CARF: variants seen among roughly 807,000 people sequenced by gnomAD.
CARF encodes the protein calcium-responsive transcription factor.
CARF carries 57 observed loss-of-function variants against 82.0 expected under a neutral mutation model. The ratio of observed to expected loss-of-function variants is 0.70; its 90% CI spans 0.56 to 0.87. CARF has a LOEUF of 0.87. Among genes scored for constraint, CARF ranks in the 40% least tolerant of loss-of-function variants. The pLI is 0.00. For synonymous variants in CARF, 268 were observed against 290.1 expected (o/e 0.92, Z 0.77); for missense variants, 771 against 855.8 (o/e 0.90, Z 1.24).
At chr2:202,936,004 TG>T (rs1433064571) in intron 3 of CARF, among the ~76,000 whole-genome samples, 1 of 151,994 alleles carries the variant, frequency 6.6e-6, no homozygotes, top group East Asian at 1.9e-4. Flanking sequence ...TTAAGTTTCT[TG>T]TAGAAATGGG....
At chr2:202,956,635 T>C (rs1202362583) in intron 8 of CARF, among the ~76,000 whole-genome samples, 6 of 152,168 alleles carry the variant, frequency 3.9e-5, no homozygotes, top group African/African-American at 1.4e-4. Context: ...AAATTCACCA[T>C]ATCCCATACT....
chr2:202,954,098 A>T lies in CARF; in HGVS notation c.521A>T (p.Gln174Leu). ...DNTSNYILHP[Q>L]TSFPLPKKSV... ...ACCAGCAATTACATTCTTCATCCTC[A>T]AACATCCTTCCCATTGCCCAAAAAG... Residue 174 changes from glutamine to leucine, a missense_variant, in exon 7 of 17, where the codon CAA becomes CTA. Transcript: ENST00000438828. 6.2e-7 allele frequency: 1 copy of T among 1,613,396 alleles called. No homozygotes were observed. The highest frequency in any genetic ancestry group is 8.5e-7 in the Non-Finnish European group (1 of 1,179,700).
At chr2:202,964,103 C>T (rs1034452202) in intron 9 of CARF, among the ~76,000 whole-genome samples, 6 of 152,096 alleles carry the variant, frequency 3.9e-5, no homozygotes, top group African/African-American at 1.4e-4. Context: ...GGCCTGGTTT[C>T]GCAGCCAAGT....
At chr2:202,942,633 C>CA in intron 4 of CARF, 107 bp from the exon 5 acceptor site, 1 of 1,080,754 alleles carries the variant, frequency 9.3e-7, no homozygotes, top group Non-Finnish European at 1.3e-6. Flanking sequence ...ACAACTCTTA[C>CA]AAAAAAGTAA....
chr2:202,980,890 C>T (rs932508742), intron 14 of CARF, among the ~76,000 whole-genome samples: 12 of 151,614 alleles, frequency 7.9e-5, no homozygotes, highest in Non-Finnish European at 1.0e-4. Flanking sequence ...TATGCAAATA[C>T]GATGCCATTT....
At chr2:202,938,278 A>C (rs975812636) in intron 3 of CARF, 1 of 152,008 alleles carries the variant, frequency 6.6e-6, no homozygotes, top group African/African-American at 2.4e-5. Flanking sequence ...TTTGAGACGG[A>C]GTCTTGCCCT....
At chr2:202,931,704 T>G (rs1337091135) in intron 3 of CARF, among the ~76,000 whole-genome samples, 3 of 152,200 alleles carry the variant, frequency 2.0e-5, no homozygotes, top group African/African-American at 7.2e-5. Context: ...TCCATGCAGC[T>G]TCTTCAGCTG....
chr2:202,963,599 A>G (rs1017981124), intron 9 of CARF, among the ~76,000 whole-genome samples: 9 of 152,272 alleles, frequency 5.9e-5, no homozygotes, highest in East Asian at 1.9e-4. Context: ...CTTTATTTCT[A>G]TTATTACTAC....
chr2:202,981,222 AG>A (rs2060249636), intron 14 of CARF, among the ~76,000 whole-genome samples: 1 of 152,178 alleles, frequency 6.6e-6, no homozygotes, highest in South Asian at 2.1e-4. Flanking sequence ...TCAGATCATC[AG>A]GCATTAGATT....
intron 1 of CARF, among the ~76,000 whole-genome samples, chr2:202,917,210 CAAAAAAAAAAAA>C (rs71034203): frequency 4.3e-5 from 2 of 47,012 alleles, no homozygotes; most frequent in African/African-American, 2.0e-4. Context: ...GACTCCGTCT[CAAAAAAAAAAAA>C]AAAAAAAAAA....
intron 2 of CARF, among the ~76,000 whole-genome samples, chr2:202,918,296 G>T (rs917258301): frequency 6.6e-6 from 1 of 152,086 alleles, no homozygotes; most frequent in Non-Finnish European, 1.5e-5. Flanking sequence ...CGAGGTGGGC[G>T]GATCACAAGG....
chr2:202,970,047 C>G lies in CARF; in HGVS notation c.1082C>G (p.Ala361Gly). ...ATGCTAAAGAAGAACTTGGTAGATG[C>G]TGGTGGTGTTCTTAGGTATGACATT... The part of the protein sequence containing the change: ...FNMLKKNLVD[A>G]GGVLRWYVQL... Residue 361 changes from alanine to glycine, a missense_variant, in exon 11 of 17, where the codon GCT (alanine) becomes GGT (glycine). Physicochemically the swap from Ala to Gly is moderately conservative, Grantham distance 60 (BLOSUM62 0). Coordinates refer to ENST00000438828, the MANE Select transcript of CARF (RefSeq NM_024744.17). The G allele has an allele frequency of 1.3e-6, 2 of 1,567,630 alleles. No individual in the cohort carries two copies. The highest frequency in any genetic ancestry group is 1.7e-6 in the Non-Finnish European group (2 of 1,166,464).
At chr2:202,914,218 G>C (rs1689174967) in intron 1 of CARF, among the ~76,000 whole-genome samples, 1 of 152,020 alleles carries the variant, frequency 6.6e-6, no homozygotes. Context: ...GAGACACATT[G>C]TTATCTGGAG....
chr2:202,942,811 T>C lies in CARF; in HGVS notation c.150T>C (p.Thr50=). Residue 50 remains threonine (T), a synonymous_variant, in exon 5 of 17, where the codon ACT becomes ACC. Transcript: ENST00000438828. ...QNDSPTVLPI[T]TREANNSLIS... ...ATTCTCCTACAGTTTTGCCCATCAC[T>C]ACTCGTGAAGCAAATAATTCACTCA... 6.2e-7 allele frequency: 1 copy of C among 1,614,108 alleles called. No homozygotes were observed. The highest frequency in any genetic ancestry group is 8.5e-7 in the Non-Finnish European group (1 of 1,180,002).
chr2:202,948,429 T>A (rs1409734755), intron 5 of CARF, among the ~76,000 whole-genome samples: 1 of 152,200 alleles, frequency 6.6e-6, no homozygotes, highest in Non-Finnish European at 1.5e-5. Context: ...ATTGAATCTG[T>A]GAATTGCTTT....
Position 202,961,318 on chromosome 2 carries a change from C to G in CARF, c.724C>G (p.Gln242Glu). Residue 242 changes from glutamine to glutamate, a missense_variant, in exon 9 of 17, where the codon CAG becomes GAG. Coordinates refer to ENST00000438828, the MANE Select transcript of CARF (RefSeq NM_024744.17). ...SVLTFHKQQT[Q>E]SVWGTRQSPS... ...CCTAACATTTCACAAGCAGCAAACA[C>G]AGAGTGTTTGGGGGACCCGTCAGTC... The G allele has an allele frequency of 6.2e-7, 1 of 1,614,192 alleles. No individual in the cohort carries two copies. The highest frequency in any genetic ancestry group is 8.5e-7 in the Non-Finnish European group (1 of 1,180,026).
chr2:202,933,178 G>A (rs974920223), intron 3 of CARF, among the ~76,000 whole-genome samples: 3 of 152,110 alleles, frequency 2.0e-5, no homozygotes, highest in Non-Finnish European at 2.9e-5. Flanking sequence ...TGCTTCCCCC[G>A]ACCCCTGTAC....
chr2:202,949,688 T>C (rs2058672266), intron 5 of CARF, among the ~76,000 whole-genome samples: 1 of 151,708 alleles, frequency 6.6e-6, no homozygotes, highest in Non-Finnish European at 1.5e-5. Context: ...GTAGCTGGGA[T>C]TGCAGGTGCC....
intron 6 of CARF, among the ~76,000 whole-genome samples, chr2:202,953,233 C>G (rs1256894690): frequency 1.3e-5 from 2 of 152,118 alleles, no homozygotes. Flanking sequence ...CCAGACTGGT[C>G]TTGAACTCCT....
Sources: gnomAD v4.1 joint callset for allele counts (sites outside exome capture counted in the v4.1 genomes callset) on GRCh38, gnomAD v4.1.1 for gene constraint, MANE v1.5 for transcripts, NCBI Gene and HGNC (gene_info 2026-07-23, HGNC 2026-07-21) for gene names.